SETD5: variants seen among roughly 807,000 people sequenced by gnomAD.
SETD5 encodes the protein SET domain containing 5, also known as histone-lysine N-methyltransferase SETD5.
Under a neutral mutation model 153.3 loss-of-function variants are expected in SETD5, and 44 were observed. The ratio of observed to expected loss-of-function variants is 0.29; its 90% CI spans 0.23 to 0.37. SETD5 has a LOEUF of 0.37. Among genes scored for constraint, SETD5 ranks in the 10% least tolerant of loss-of-function variants. The pLI is 1.00. For missense variants in SETD5, 1,544 were observed against 1,768.0 expected (o/e 0.87, Z 2.27); for synonymous variants, 716 against 645.2 (o/e 1.11, Z -1.66).
chr3:9,412,698 A>C (rs1048051901), intron 1 of SETD5, among the ~76,000 whole-genome samples: 2 of 151,864 alleles, frequency 1.3e-5, no homozygotes, highest in African/African-American at 4.8e-5. Context: ...GGCATAAGCC[A>C]TCAGGCCCAG....
Position 9,477,841 on chromosome 3 carries a change from GTC to G in SETD5, c.*1755_*1756del, listed in dbSNP as rs2045938831. On this transcript the variant is annotated 3_prime_UTR_variant, in exon 23 of 23. Coordinates refer to ENST00000402198, the MANE Select transcript of SETD5 (RefSeq NM_001080517.3). Reference sequence around the variant, plus strand: ...TATATTATATAAAACGTATGTAAATGTCTCTCCATTTGGGCTGGGGTTTGCAT... The same window carrying G: ...TATATTATATAAAACGTATGTAAATGTCTCCATTTGGGCTGGGGTTTGCAT... The G allele has an allele frequency of 6.6e-6, 1 of 152,360 alleles. No homozygotes were observed. The highest frequency in any genetic ancestry group is 1.5e-5 in the Non-Finnish European group (1 of 67,996). The allele number at this position is 152,360 out of a possible 1,614,324, so 9.4% of individuals were successfully genotyped here. A position where few individuals can be genotyped will look rare whatever the true frequency, so the allele number is the denominator to read the frequency against.
chr3:9,451,598 AC>A (rs1460455557), intron 16 of SETD5, among the ~76,000 whole-genome samples: 1 of 152,108 alleles, frequency 6.6e-6, no homozygotes, highest in African/African-American at 2.4e-5. Context: ...CAGGCACACC[AC>A]CACGCCTGGC....
At position 9,440,632 on chromosome 3, in the gene SETD5, T is replaced by C. The variant is rs572512933; in HGVS notation, c.744T>C (p.Thr248=). ...HSSKEFVGKP[T]ILDTINKTEL... ...GCAAGGAATTTGTGGGCAAACCTAC[T>C]ATTTTAGACACTATTAATAAGACTG... is the stretch of plus-strand genomic sequence containing the variant. Residue 248 remains threonine, a synonymous_variant, in exon 8 of 23, where the codon ACT becomes ACC. Transcript: ENST00000402198. 8.1e-6 allele frequency: 13 copies of C among 1,613,958 alleles called. No homozygotes were observed. The South Asian group carries it at 1.4e-4, about 18-fold the overall frequency.
Position 9,439,202 on chromosome 3 carries a change from CTGAT to C in SETD5, c.568-1251_568-1248del, listed in dbSNP as rs561572336. 4.7e-3 allele frequency among the ~76,000 whole-genome samples: 720 copies of C among 152,334 alleles called. 9 individuals are homozygous for C. Among genetic ancestry groups the C allele is most frequent in the African/African-American group, 0.017 (691 of 41,580 alleles). ...CTACTGATGTCAAGCAGGCGATACT[CTGAT>C]TGTCAGTATGTTGGCTTTAGGTGTT... is the stretch of plus-strand genomic sequence containing the variant. On this transcript the variant is annotated intron_variant, in intron 7 of 22. Transcript: ENST00000402198.
At chr3:9,398,146 A>G (rs2034005090) in intron 1 of SETD5, among the ~76,000 whole-genome samples, 169 bp downstream of exon 1, 1 of 146,350 alleles carries the variant, frequency 6.8e-6, no homozygotes, top group African/African-American at 2.5e-5. Context: ...CCTTGCACAC[A>G]CCGTTGCAAC....
At chr3:9,447,574 A>G (rs1301930827) in intron 14 of SETD5, 112 bp from the exon 15 acceptor site, 4 of 1,247,022 alleles carry the variant, frequency 3.2e-6, no homozygotes, top group Non-Finnish European at 3.3e-6. Context: ...TAGTGTTTCT[A>G]ATCCTTATAT....
At position 9,445,050 on chromosome 3, in the gene SETD5, A is replaced by G; in HGVS notation, c.1190A>G (p.Asn397Ser). 6.2e-7 allele frequency: 1 copy of G among 1,612,210 alleles called. No individual in the cohort carries two copies. Among genetic ancestry groups the G allele is most frequent in the Non-Finnish European group, 8.5e-7 (1 of 1,178,964 alleles). Residue 397 changes from asparagine (N) to serine (S), a missense_variant and splice_region_variant, in exon 12 of 23, where the codon AAT becomes AGT. This residue lies in a region of SETD5 where 46 missense variants were observed against 111.8 expected (regional missense o/e 0.41). Transcript: ENST00000402198. ...IAFDYEYSNC[N>S]YKVDCACHKG... ...TTTTGGTTGTTTCTTTGGAGCAGTAATTATAAAGTGGACTGTGCCTGTCAC... is the reference window on the plus strand; with the variant it reads ...TTTTGGTTGTTTCTTTGGAGCAGTAGTTATAAAGTGGACTGTGCCTGTCAC...
intron 13 of SETD5, among the ~76,000 whole-genome samples, chr3:9,446,633 C>T (rs2042047476): frequency 6.6e-6 from 1 of 151,980 alleles, no homozygotes; most frequent in Non-Finnish European, 1.5e-5. Flanking sequence ...GCTGGCATTA[C>T]AAGCATGCGC....
At position 9,434,090 on chromosome 3, in the gene SETD5, T is replaced by A; in HGVS notation, c.177+140T>A. ...TGCACTTCCCTGACTCCAGCGGACG[T>A]CTAGCCCTGCATCATTGTTCTTGTT... On this transcript the variant is annotated intron_variant, in intron 4 of 22. Coordinates refer to ENST00000402198, the MANE Select transcript of SETD5 (RefSeq NM_001080517.3). This position sits in a 1 kb window ranked among gnomAD's most constrained non-coding sequence, Gnocchi z 5.6. 1 of 1,572,692 alleles carries A rather than the reference T, an allele frequency of 6.4e-7. No individual in the cohort carries two copies. The highest frequency in any genetic ancestry group is 8.6e-7 in the Non-Finnish European group (1 of 1,161,466).
intron 17 of SETD5, among the ~76,000 whole-genome samples, chr3:9,460,431 C>CT (rs74948528): frequency 0.012 from 1,663 of 138,596 alleles, 15 homozygotes; most frequent in East Asian, 0.036. Flanking sequence ...AAAATCCTAA[C>CT]TTTTTTTTTT....
chr3:9,470,794 C>T lies in SETD5; in HGVS notation c.3060C>T (p.Ser1020=), dbSNP rs759358759. 3.1e-6 allele frequency: 5 copies of T among 1,613,608 alleles called. No individual in the cohort carries two copies. In the Admixed American group the frequency reaches 8.3e-5, roughly 27 times the overall value. ...TACATTTGGATGGGGGATATTGTTCCCCTGCAGAAGGATTTTCCAGCAGAT... is the reference window on the plus strand; with the variant it reads ...TACATTTGGATGGGGGATATTGTTCTCCTGCAGAAGGATTTTCCAGCAGAT... ...KPLHLDGGYC[S]PAEGFSSRYE... is the part of the protein sequence containing the mutation. The change falls in exon 19 of 23, where the codon TCC becomes TCT. Residue 1020 remains serine, a synonymous_variant. Transcript: ENST00000402198.
chr3:9,466,068 C>T lies in SETD5; in HGVS notation c.2724+1396C>T, dbSNP rs2044523897. 1.3e-5 allele frequency among the ~76,000 whole-genome samples: 2 copies of T among 151,864 alleles called. 1 individual carries two copies. Among genetic ancestry groups the T allele is most frequent in the Admixed American group, 1.3e-4 (2 of 15,248 alleles). On this transcript the variant is annotated intron_variant, in intron 18 of 22. Transcript: ENST00000402198. ...CTTTGGGAGGCTGAGGCAGGCGGAT[C>T]ACGAGGTCAGTAGATCAAGACCATC...
At chr3:9,401,053 A>C (rs920423491) in intron 1 of SETD5, among the ~76,000 whole-genome samples, 4 of 152,246 alleles carry the variant, frequency 2.6e-5, no homozygotes, top group Non-Finnish European at 5.9e-5. Context: ...AAACATCTAT[A>C]ATTTGTAGTA....
intron 1 of SETD5, among the ~76,000 whole-genome samples, chr3:9,398,931 G>C (rs1034078121): frequency 1.3e-5 from 2 of 152,176 alleles, no homozygotes; most frequent in African/African-American, 4.8e-5. Flanking sequence ...TCTGGGTCAG[G>C]GGTGCGTGTA....
At chr3:9,442,695 T>C (rs1278410135) in intron 10 of SETD5, among the ~76,000 whole-genome samples, 1 of 152,178 alleles carries the variant, frequency 6.6e-6, no homozygotes, top group Non-Finnish European at 1.5e-5. Flanking sequence ...AGAGCTTTAC[T>C]TACTGGCTAA....
At chr3:9,469,990 A>C (rs1253232711) in intron 18 of SETD5, among the ~76,000 whole-genome samples, 1 of 152,128 alleles carries the variant, frequency 6.6e-6, no homozygotes, top group African/African-American at 2.4e-5. Flanking sequence ...TCCTTCCTCC[A>C]CCTTTTTCCC....
At chr3:9,442,353 GT>G in intron 10 of SETD5, 108 bp downstream of exon 10, 2 of 776,100 alleles carry the variant, frequency 2.6e-6, no homozygotes, top group Non-Finnish European at 2.2e-6. Context: ...GATAATAGTC[GT>G]GATATTTCAT....
chr3:9,430,058 G>GT, intron 3 of SETD5: 2 of 1,070,854 alleles, frequency 1.9e-6, no homozygotes, highest in Non-Finnish European at 2.3e-6. Context: ...TGAGGTGGGT[G>GT]TTGCTCTAAT....
At chr3:9,426,408 T>G (rs2039254312) in intron 2 of SETD5, among the ~76,000 whole-genome samples, 1 of 150,844 alleles carries the variant, frequency 6.6e-6, no homozygotes, top group Admixed American at 6.6e-5. Context: ...ATTTATTTTT[T>G]TTTTTTGAGA....
Sources: allele counts gnomAD v4.1 joint callset (sites outside exome capture counted in the v4.1 genomes callset), GRCh38; gene constraint gnomAD v4.1.1; regional missense constraint gnomAD v4.1.1; non-coding constraint Gnocchi (gnomAD v3.1); transcripts MANE v1.5; gene names NCBI Gene and HGNC (gene_info 2026-07-23, HGNC 2026-07-21).